Variants in KCNJ3 observed in about 807,000 individuals in gnomAD.
The protein encoded by KCNJ3 is G protein-activated inward rectifier potassium channel 1.
A neutral mutation model predicts 39.2 loss-of-function variants in KCNJ3; 4 were observed. The observed-to-expected ratio is 0.10, with a 90% CI of 0.05 to 0.23. The LOEUF is 0.23. KCNJ3 is among the 10% of genes least tolerant of loss of function. KCNJ3 has a pLI of 1.00. For synonymous variants in KCNJ3, 230 were observed against 237.4 expected, an observed-to-expected ratio of 0.97 and a Z score of 0.29; for missense variants, 276 against 634.9, an observed-to-expected ratio of 0.43 and a Z score of 6.08.
chr2:154,766,880 T>G (rs1686145630), intron 2 of KCNJ3, among the ~76,000 whole-genome samples: 1 of 152,112 alleles, frequency 6.6e-6, no homozygotes, highest in Non-Finnish European at 1.5e-5. Context: ...AGGGGCCATC[T>G]ATCTGTTAAT....
At chr2:154,806,903 G>A (rs1686921543) in intron 2 of KCNJ3, among the ~76,000 whole-genome samples, 1 of 152,168 alleles carries the variant, frequency 6.6e-6, no homozygotes, top group African/African-American at 2.4e-5. Flanking sequence ...AGGTACACCA[G>A]GGTATATTAG....
At chr2:154,809,770 A>G (rs1157901088) in intron 2 of KCNJ3, among the ~76,000 whole-genome samples, 2 of 152,192 alleles carry the variant, frequency 1.3e-5, no homozygotes, top group East Asian at 3.9e-4. Flanking sequence ...CTAATACTCA[A>G]AAAGCAAACA....
intron 2 of KCNJ3, among the ~76,000 whole-genome samples, chr2:154,739,411 A>G (rs1393707562): frequency 1.3e-5 from 2 of 152,008 alleles, no homozygotes; most frequent in African/African-American, 2.4e-5. Context: ...ATAAGTGTCC[A>G]GTTGAATTTT....
At chr2:154,780,511 C>T (rs1558872381) in intron 2 of KCNJ3, among the ~76,000 whole-genome samples, 1 of 151,548 alleles carries the variant, frequency 6.6e-6, no homozygotes, top group Non-Finnish European at 1.5e-5. Flanking sequence ...AGGAAGTGTC[C>T]AGGCAAAAAA....
chr2:154,854,911 G>T lies in KCNJ3; in HGVS notation c.1104G>T (p.Ser368=), dbSNP rs376798806. ...VKEQEEMLLM[S]SPLIAPAITN... ...AGCAGGAGGAAATGCTTCTCATGTC[G>T]TCCCCTTTAATAGCACCAGCCATAA... Residue 368 remains serine (S), a synonymous_variant, in exon 3 of 3, where the codon TCG becomes TCT. Coordinates refer to ENST00000295101, the MANE Select transcript of KCNJ3 (RefSeq NM_002239.4). 1.4e-5 allele frequency: 22 copies of T among 1,613,730 alleles called. No individual in the cohort carries two copies. Among genetic ancestry groups the T allele is most frequent in the Admixed American group, 1.7e-5 (1 of 59,938 alleles).
rs1469836479 is a variant in KCNJ3, at chr2:154,698,879, A to T, written c.104A>T (p.Gln35Leu). The T allele has an allele frequency of 6.2e-7, 1 of 1,614,210 alleles. No individual in the cohort carries two copies. The highest frequency in any genetic ancestry group is 1.3e-5 in the African/African-American group (1 of 75,070). Residue 35 changes from glutamine to leucine, a missense_variant, in exon 1 of 3, where the codon CAG becomes CTG. Coordinates refer to ENST00000295101, the MANE Select transcript of KCNJ3 (RefSeq NM_002239.4). ...QPQGPGQDPQ[Q>L]QLVPKKKRQR... ...CAGGGGCCAGGCCAGGACCCTCAGC[A>T]GCAGCTTGTGCCCAAGAAGAAGCGG...
intron 2 of KCNJ3, among the ~76,000 whole-genome samples, chr2:154,821,458 C>G (rs1687176472): frequency 6.6e-6 from 1 of 151,968 alleles, no homozygotes; most frequent in African/African-American, 2.4e-5. Flanking sequence ...CCCTTCAAAG[C>G]CAAGCTATCT....
At chr2:154,806,167 G>T (rs2105097338) in intron 2 of KCNJ3, among the ~76,000 whole-genome samples, 1 of 152,236 alleles carries the variant, frequency 6.6e-6, no homozygotes, top group South Asian at 2.1e-4. Flanking sequence ...ACTTGCAAGT[G>T]AAAAGGCAGC....
intron 2 of KCNJ3, among the ~76,000 whole-genome samples, chr2:154,777,693 AT>A (rs376002273): frequency 2.0e-5 from 3 of 152,024 alleles, no homozygotes; most frequent in South Asian, 2.1e-4. Context: ...GAATGTTTTA[AT>A]TTTTTTTCTT....
At chr2:154,847,083 A>C (rs1687675590) in intron 2 of KCNJ3, among the ~76,000 whole-genome samples, 1 of 152,174 alleles carries the variant, frequency 6.6e-6, no homozygotes, top group African/African-American at 2.4e-5. Context: ...TGGAGATTTA[A>C]AGAGATTCCA....
At chr2:154,797,905 A>T (rs1430628374) in intron 2 of KCNJ3, among the ~76,000 whole-genome samples, 1 of 152,132 alleles carries the variant, frequency 6.6e-6, no homozygotes, top group Non-Finnish European at 1.5e-5. Flanking sequence ...CAGTATTGTT[A>T]TCTGTGGGCA....
intron 2 of KCNJ3, among the ~76,000 whole-genome samples, chr2:154,825,218 A>T (rs993026056): frequency 2.0e-5 from 3 of 152,128 alleles, no homozygotes; most frequent in Admixed American, 6.5e-5. Context: ...TACCTTTGGA[A>T]GCCTTCTCAC....
At chr2:154,710,384 T>A (rs1057499733) in intron 2 of KCNJ3, among the ~76,000 whole-genome samples, 2 of 152,194 alleles carry the variant, frequency 1.3e-5, no homozygotes, top group Admixed American at 6.5e-5. Flanking sequence ...TTCAAAAAGA[T>A]ATTTTTTTCT....
chr2:154,805,646 G>A (rs1043321512), intron 2 of KCNJ3, among the ~76,000 whole-genome samples: 11 of 152,156 alleles, frequency 7.2e-5, no homozygotes, highest in African/African-American at 2.6e-4. Context: ...TTTAAATATT[G>A]AATCAGCTCT....
intron 2 of KCNJ3, among the ~76,000 whole-genome samples, chr2:154,768,006 A>G (rs368609170): frequency 2.0e-5 from 3 of 152,142 alleles, no homozygotes; most frequent in South Asian, 4.1e-4. Context: ...GTCTGTTTAT[A>G]TCCTTCACCC....
intron 2 of KCNJ3, among the ~76,000 whole-genome samples, chr2:154,849,933 G>C (rs2166329): frequency 0.21 from 30,557 of 144,516 alleles, 3,371 homozygotes; most frequent in East Asian, 0.43. Context: ...TACTGATACT[G>C]GAATAAATTA....
intron 2 of KCNJ3, among the ~76,000 whole-genome samples, chr2:154,837,817 C>T (rs1217173711): frequency 6.6e-6 from 1 of 152,134 alleles, no homozygotes; most frequent in Non-Finnish European, 1.5e-5. Flanking sequence ...CCATCCACCC[C>T]AGAATGTAGT....
intron 2 of KCNJ3, among the ~76,000 whole-genome samples, chr2:154,778,071 A>T (rs888847925): frequency 6.6e-6 from 1 of 152,216 alleles, no homozygotes; most frequent in Admixed American, 6.5e-5. Flanking sequence ...AATCATAAAG[A>T]AAAGATACTA....
At chr2:154,744,592 G>T (rs1361780033) in intron 2 of KCNJ3, among the ~76,000 whole-genome samples, 2 of 151,690 alleles carry the variant, frequency 1.3e-5, no homozygotes, top group East Asian at 3.9e-4. Context: ...CCTCTAGGTT[G>T]TCAAACTTAT....
Sources: allele counts gnomAD v4.1 joint callset (sites outside exome capture counted in the v4.1 genomes callset), GRCh38; gene constraint gnomAD v4.1.1; transcripts MANE v1.5; gene names NCBI Gene and HGNC (gene_info 2026-07-23, HGNC 2026-07-21).